The following NOXRED1 variants were observed in gnomAD, a reference collection of about 807,000 sequenced individuals.
NOXRED1 encodes the protein NADP-dependent oxidoreductase domain-containing protein 1.
NOXRED1 carries 20 observed loss-of-function variants against 30.4 expected under a neutral mutation model. The ratio of observed to expected loss-of-function variants is 0.66; its 90% CI spans 0.46 to 0.96. The LOEUF is 0.96. NOXRED1 is among the 40% of genes least tolerant of loss of function. The probability of loss-of-function intolerance (pLI) is 0.00; values close to 1 mark genes in which losing one functional copy is unlikely to be tolerated. For missense variants in NOXRED1, 374 were observed against 428.0 expected, an observed-to-expected ratio of 0.87 and a Z score of 1.11; for synonymous variants, 155 against 168.0, an observed-to-expected ratio of 0.92 and a Z score of 0.60.
chr14:77,397,862 C>CA (rs1894228279), intron 5 of NOXRED1, among the ~76,000 whole-genome samples: 3 of 131,074 alleles, frequency 2.3e-5, no homozygotes, highest in Non-Finnish European at 4.7e-5. Flanking sequence ...GCCTGGGTGA[C>CA]AGAGCTAAAA....
At chr14:77,408,891 A>AGTTTTTTTTT (rs1491306326) in intron 2 of NOXRED1, among the ~76,000 whole-genome samples, 1 of 13,530 alleles carries the variant, frequency 7.4e-5, no homozygotes, top group Non-Finnish European at 3.4e-4. Context: ...ACTGGTAGTT[A>AGTTTTTTTTT]ATTTTTTTTT....
chr14:77,409,349 T>C (rs1467126163), intron 2 of NOXRED1, among the ~76,000 whole-genome samples: 1 of 152,138 alleles, frequency 6.6e-6, no homozygotes, highest in Non-Finnish European at 1.5e-5. Context: ...GGAGTTCTCA[T>C]GAGAGCTGAT....
chr14:77,413,491 C>A (rs1402122877), intron 2 of NOXRED1, among the ~76,000 whole-genome samples: 1 of 152,150 alleles, frequency 6.6e-6, no homozygotes, highest in Non-Finnish European at 1.5e-5. Context: ...CCCGCCTTGG[C>A]CTCCCAAAGT....
At chr14:77,408,065 A>G (rs1894531375) in intron 2 of NOXRED1, among the ~76,000 whole-genome samples, 1 of 151,990 alleles carries the variant, frequency 6.6e-6, no homozygotes, top group African/African-American at 2.4e-5. Flanking sequence ...ACGGGGTTTC[A>G]CTATGTTGGC....
At chr14:77,394,851 A>T in intron 5 of NOXRED1, 46 bp from the exon 6 acceptor site, 1 of 1,420,024 alleles carries the variant, frequency 7.0e-7, no homozygotes, top group Non-Finnish European at 9.8e-7. Flanking sequence ...TGTTCAGTAT[A>T]TCTGATTTGG....
intron 1 of NOXRED1, among the ~76,000 whole-genome samples, chr14:77,416,348 G>A (rs985627922): frequency 2.0e-5 from 3 of 152,120 alleles, no homozygotes; most frequent in African/African-American, 7.2e-5. Flanking sequence ...AGGACCTTGC[G>A]GCCTTCCACA....
At position 77,394,298 on chromosome 14, in the gene NOXRED1, G is replaced by A. The variant is rs1353219094; in HGVS notation, c.*333C>T. ...TTTATTGGAAAAGAAGCTGCAGTAT[G>A]TAATTGTCTAAAACTTATAACATTA... On this transcript the variant is annotated 3_prime_UTR_variant, in exon 6 of 6. Transcript: ENST00000380835. 5.9e-6 allele frequency: 1 copy of A among 169,414 alleles called. No individual in the cohort carries two copies. Among genetic ancestry groups the A allele is most frequent in the Non-Finnish European group, 1.3e-5 (1 of 79,602 alleles). The allele number at this position is 169,414 out of a possible 1,614,324, so 10.5% of individuals were successfully genotyped here.
chr14:77,419,753 GT>G (rs978342396), intron 1 of NOXRED1, among the ~76,000 whole-genome samples: 7 of 150,098 alleles, frequency 4.7e-5, no homozygotes, highest in South Asian at 2.1e-4. Flanking sequence ...TGACCAACAG[GT>G]TTTTTTTTTC....
In NOXRED1 at chr14:77,394,792, A is replaced by AC; in HGVS notation, c.918dup (p.Phe307ValfsTer2). 1 of 1,613,228 alleles carries AC rather than the reference A, an allele frequency of 6.2e-7. No homozygotes were observed. Among genetic ancestry groups the AC allele is most frequent in the Non-Finnish European group, 8.5e-7 (1 of 1,179,286 alleles). ...TTGAGTTGCACAGCAGTCAGATCAA[A>AC]CCAGGGGAAAGGCCTGAGGTGAAAA... On this transcript the variant is annotated frameshift_variant, in exon 6 of 6. Coordinates refer to ENST00000380835, the MANE Select transcript of NOXRED1 (RefSeq NM_001113475.3). LOFTEE classifies it low-confidence loss of function (END_TRUNC).
intron 1 of NOXRED1, among the ~76,000 whole-genome samples, chr14:77,418,222 T>C (rs1343129090): frequency 6.6e-6 from 1 of 151,950 alleles, no homozygotes; most frequent in East Asian, 1.9e-4. Context: ...TCAGCCTTGA[T>C]CTCCTGGGCT....
intron 1 of NOXRED1, among the ~76,000 whole-genome samples, chr14:77,421,768 T>G (rs1894999109): frequency 6.6e-6 from 1 of 152,214 alleles, no homozygotes; most frequent in Non-Finnish European, 1.5e-5. Flanking sequence ...CTTATATTTG[T>G]TCTGTATTTC....
intron 5 of NOXRED1, among the ~76,000 whole-genome samples, chr14:77,398,787 G>A: frequency 6.6e-6 from 1 of 152,034 alleles, no homozygotes; most frequent in East Asian, 1.9e-4. Flanking sequence ...TGGCCAACAT[G>A]GTGAAACCCC....
At position 77,408,326 on chromosome 14, in the gene NOXRED1, G is replaced by A. The variant is rs565300311; in HGVS notation, c.350-681C>T. 3.2e-4 allele frequency among the ~76,000 whole-genome samples: 49 copies of A among 152,144 alleles called. No homozygotes were observed. The South Asian group carries it at 9.4e-3, about 29-fold the overall frequency. On this transcript the variant is annotated intron_variant, in intron 2 of 5. Coordinates refer to ENST00000380835, the MANE Select transcript of NOXRED1 (RefSeq NM_001113475.3). ...TCCTCCCGCCTCAGCCTCCCAAGTAGCTGGGACCACTGGTGAGTGTGACCA... is the reference window on the plus strand; with the variant it reads ...TCCTCCCGCCTCAGCCTCCCAAGTAACTGGGACCACTGGTGAGTGTGACCA...
rs781212618 is a variant in NOXRED1 at position 77,394,642 on chromosome 14, GA to G, written c.1068del (p.Pro357HisfsTer20). On this transcript the variant is annotated frameshift_variant, in exon 6 of 6. Transcript: ENST00000380835. LOFTEE classifies it high-confidence loss of function. ...TKEQPVISTGFPSQ is the reference protein window; with the variant it reads ...TKEQPVISTGXPSQ Reference sequence around the variant, plus strand: ...ATTCCTGAGTTCTCTTATTGGGATGGAAAGCCTGTGGAAATGACTGGCTGTT... The same window carrying G: ...ATTCCTGAGTTCTCTTATTGGGATGGAAGCCTGTGGAAATGACTGGCTGTT... The G allele has an allele frequency of 3.1e-6, 5 of 1,611,516 alleles. No homozygotes were observed. Among genetic ancestry groups the G allele is most frequent in the Non-Finnish European group, 4.2e-6 (5 of 1,178,584 alleles).
At chr14:77,410,618 A>G (rs1894624319) in intron 2 of NOXRED1, among the ~76,000 whole-genome samples, 1 of 152,146 alleles carries the variant, frequency 6.6e-6, no homozygotes, top group African/African-American at 2.4e-5. Flanking sequence ...CTCAAAATAA[A>G]TAAATACATA....
chr14:77,400,117 TTATCCTTCTAAA>T (rs1894289743), intron 5 of NOXRED1, among the ~76,000 whole-genome samples: 1 of 152,192 alleles, frequency 6.6e-6, no homozygotes, highest in African/African-American at 2.4e-5. Context: ...CTGTGCAAAG[TTATCCTTCTAAA>T]GTGAAGGAGA....
In NOXRED1 at chr14:77,394,650, G is replaced by A. The variant is rs1894132232; in HGVS notation, c.1061C>T (p.Thr354Ile). 1.2e-6 allele frequency: 2 copies of A among 1,612,254 alleles called. No homozygotes were observed. Among genetic ancestry groups the A allele is most frequent in the East Asian group, 2.2e-5 (1 of 44,864 alleles). ...SLTKEQPVISTGFPSQ is the reference protein window; with the variant it reads ...SLTKEQPVISIGFPSQ Reference sequence around the variant, plus strand: ...GTTCTCTTATTGGGATGGAAAGCCTGTGGAAATGACTGGCTGTTCTTTGGT... The same window carrying A: ...GTTCTCTTATTGGGATGGAAAGCCTATGGAAATGACTGGCTGTTCTTTGGT... The change falls in exon 6 of 6, where the codon ACA becomes ATA. Residue 354 changes from threonine to isoleucine, a missense_variant. Transcript: ENST00000380835.
intron 5 of NOXRED1, among the ~76,000 whole-genome samples, chr14:77,398,538 G>C (rs150904188): frequency 1.2e-3 from 180 of 152,202 alleles, no homozygotes; most frequent in African/African-American, 4.2e-3. Context: ...TAGCCATCCT[G>C]TTCCACTGAA....
Position 77,407,523 on chromosome 14 carries a change from T to A in NOXRED1, c.472A>T (p.Thr158Ser). 6.2e-7 allele frequency: 1 copy of A among 1,614,018 alleles called. No individual in the cohort carries two copies. Among genetic ancestry groups the A allele is most frequent in the East Asian group, 2.2e-5 (1 of 44,886 alleles). Reference protein sequence around the residue: ...QLPNICVEIYTSLEKASIVYS... With the variant: ...QLPNICVEIYSSLEKASIVYS... ...ACAATGCTGGCCTTCTCAAGGCTGGTGTAAATTTCTACGCAGATATTAGGC... is the reference window on the plus strand; with the variant it reads ...ACAATGCTGGCCTTCTCAAGGCTGGAGTAAATTTCTACGCAGATATTAGGC... The change falls in exon 3 of 6, where the codon ACC becomes TCC. Residue 158 changes from threonine (T) to serine (S), a missense_variant. By Grantham distance (58) the Thr-to-Ser change is moderately conservative. Transcript: ENST00000380835.
Sources: allele counts gnomAD v4.1 joint callset (sites outside exome capture counted in the v4.1 genomes callset), GRCh38; gene constraint gnomAD v4.1.1; transcripts MANE v1.5; gene names NCBI Gene and HGNC (gene_info 2026-07-23, HGNC 2026-07-21).